The following GPHN variants were observed in gnomAD, a reference collection of about 807,000 sequenced individuals.
GPHN encodes gephyrin.
GPHN carries 17 observed loss-of-function variants against 95.5 expected under a neutral mutation model. That is an observed-to-expected ratio of 0.18 (90% CI 0.12 to 0.27). The LOEUF (loss-of-function observed/expected upper bound fraction) is 0.27, where lower values mean the gene tolerates loss of function less well. Ranked by LOEUF, GPHN falls within the 10% of genes least tolerant of loss-of-function variation. GPHN has a pLI of 1.00. For missense variants in GPHN, 660 were observed against 978.1 expected (o/e 0.67, Z 4.34); for synonymous variants, 320 against 322.5 (o/e 0.99, Z 0.08).
At chr14:66,892,056 G>A (rs918389139) in intron 5 of GPHN, among the ~76,000 whole-genome samples, 1 of 152,122 alleles carries the variant, frequency 6.6e-6, no homozygotes, top group Non-Finnish European at 1.5e-5. Context: ...GGAAACTATG[G>A]CATATCCTCA....
chr14:67,523,712 A>C, the GPHN span, among the ~76,000 whole-genome samples: 22,860 of 152,254 alleles, frequency 0.15, 1,992 homozygotes, highest in East Asian at 0.3. Flanking sequence ...ATTTGTAAAT[A>C]CACACTTCTT....
intron 13 of GPHN, among the ~76,000 whole-genome samples, chr14:67,105,024 T>C (rs548036822): frequency 6.6e-6 from 1 of 152,248 alleles, no homozygotes; most frequent in South Asian, 2.1e-4. Context: ...TCCCATAGGT[T>C]TTTGTCTGCT....
chr14:66,685,504 A>G (rs1286781823), intron 2 of GPHN, among the ~76,000 whole-genome samples: 2 of 152,212 alleles, frequency 1.3e-5, no homozygotes, highest in Non-Finnish European at 2.9e-5. Context: ...ATGGCCAGTG[A>G]TGATGAGCAT....
intron 5 of GPHN, among the ~76,000 whole-genome samples, chr14:66,894,845 A>G (rs2064745154): frequency 6.6e-6 from 1 of 152,230 alleles, no homozygotes; most frequent in Non-Finnish European, 1.5e-5. Flanking sequence ...GATCATTAAA[A>G]AGTCAGGAAA....
chr14:67,410,638 A>G, the GPHN span, among the ~76,000 whole-genome samples: 1 of 152,128 alleles, frequency 6.6e-6, no homozygotes, highest in Non-Finnish European at 1.5e-5. Flanking sequence ...GTGCAACATC[A>G]TGTGGACACA....
At chr14:66,672,030 G>A (rs916165082) in intron 1 of GPHN, among the ~76,000 whole-genome samples, 1 of 151,998 alleles carries the variant, frequency 6.6e-6, no homozygotes, top group Non-Finnish European at 1.5e-5. Flanking sequence ...TAAGGTGGAG[G>A]CTTAGATTAT....
chr14:67,118,999 T>C (rs1318626734), intron 16 of GPHN, among the ~76,000 whole-genome samples: 3 of 152,166 alleles, frequency 2.0e-5, no homozygotes, highest in Admixed American at 1.3e-4. Flanking sequence ...AGGACTAGGG[T>C]TGGCCATGGG....
chr14:66,923,103 A>T (rs1742569587), intron 7 of GPHN, among the ~76,000 whole-genome samples, 165 bp downstream of exon 7: 1 of 152,170 alleles, frequency 6.6e-6, no homozygotes, highest in Non-Finnish European at 1.5e-5. Context: ...TTCCTTCTTG[A>T]TATAGATTCC....
chr14:67,514,860 C>T, the GPHN span, among the ~76,000 whole-genome samples: 3 of 152,210 alleles, frequency 2.0e-5, no homozygotes, highest in Non-Finnish European at 4.4e-5. Context: ...ATCCAAGCCC[C>T]GGGCGCACCA....
chr14:67,392,729 A>G, the GPHN span: 4 of 1,614,070 alleles, frequency 2.5e-6, no homozygotes, highest in Non-Finnish European at 3.4e-6. Flanking sequence ...AATGGCTCCC[A>G]TGCTTCGGAC....
chr14:67,102,140 G>C (rs1246913010), intron 13 of GPHN, among the ~76,000 whole-genome samples: 4 of 151,892 alleles, frequency 2.6e-5, no homozygotes, highest in Non-Finnish European at 5.9e-5. Flanking sequence ...CCAAAGTGCT[G>C]GGATTACAAG....
At chr14:66,774,169 C>T (rs1017227245) in intron 2 of GPHN, among the ~76,000 whole-genome samples, 9 of 151,306 alleles carry the variant, frequency 5.9e-5, no homozygotes, top group African/African-American at 2.2e-4. Context: ...CACCCGGCTA[C>T]TTTTTTGTAT....
At chr14:67,406,851 C>T in the GPHN span, among the ~76,000 whole-genome samples, 1 of 152,172 alleles carries the variant, frequency 6.6e-6, no homozygotes, top group African/African-American at 2.4e-5. Context: ...GCCGATAACA[C>T]AATGGTATGC....
chr14:66,570,069 T>C (rs1307235924), intron 1 of GPHN, among the ~76,000 whole-genome samples: 1 of 152,144 alleles, frequency 6.6e-6, no homozygotes, highest in Non-Finnish European at 1.5e-5. Context: ...TTTTATTTCA[T>C]TTAACAACAT....
the GPHN span, among the ~76,000 whole-genome samples, chr14:67,598,669 T>G: frequency 3.3e-5 from 5 of 151,894 alleles, no homozygotes; most frequent in Non-Finnish European, 1.5e-5. Context: ...TTAGGGGGGC[T>G]ATCAAGTCAA....
intron 1 of GPHN, among the ~76,000 whole-genome samples, chr14:66,539,076 TCTC>T (rs2059250177): frequency 6.6e-6 from 1 of 152,156 alleles, no homozygotes; most frequent in Non-Finnish European, 1.5e-5. Flanking sequence ...TCAGATTTCT[TCTC>T]CACAGCCCTG....
At chr14:67,569,576 C>G in the GPHN span, among the ~76,000 whole-genome samples, 1 of 152,318 alleles carries the variant, frequency 6.6e-6, no homozygotes, top group Non-Finnish European at 1.5e-5. Context: ...TGGCTCCTCT[C>G]CAGCCAGCCA....
At chr14:67,645,682 C>G in the GPHN span, 4 of 1,613,992 alleles carry the variant, frequency 2.5e-6, no homozygotes, top group Non-Finnish European at 3.4e-6. Context: ...CCCGACACTG[C>G]CCAGACCTTT....
chr14:66,883,062 T>A (rs1176380404), intron 5 of GPHN, among the ~76,000 whole-genome samples: 2 of 151,858 alleles, frequency 1.3e-5, no homozygotes, highest in African/African-American at 4.8e-5. Context: ...AGATTATCCT[T>A]CTGGGTTCAG....
Sources: gnomAD v4.1 joint callset for allele counts (sites outside exome capture counted in the v4.1 genomes callset) on GRCh38, gnomAD v4.1.1 for gene constraint, MANE v1.5 for transcripts, NCBI Gene and HGNC (gene_info 2026-07-23, HGNC 2026-07-21) for gene names.